The following TENM4 variants were observed in gnomAD, a reference collection of about 807,000 sequenced individuals.
TENM4 encodes the protein teneurin transmembrane protein 4, also known as teneurin-4.
A neutral mutation model predicts 243.3 loss-of-function variants in TENM4; 82 were observed. The ratio of observed to expected loss-of-function variants is 0.34; its 90% CI spans 0.28 to 0.40. The LOEUF (loss-of-function observed/expected upper bound fraction) is 0.40. Ranked by LOEUF, TENM4 falls within the 10% of genes least tolerant of loss-of-function variation. The probability of loss-of-function intolerance (pLI) is 1.00; values close to 1 mark genes in which losing one functional copy is unlikely to be tolerated. For missense variants in TENM4, 3,138 were observed against 3,673.3 expected (o/e 0.85, Z 3.77); for synonymous variants, 1,412 against 1,456.3 (o/e 0.97, Z 0.69).
chr11:79,258,689 T>C (rs1855741450), intron 2 of TENM4, among the ~76,000 whole-genome samples: 1 of 152,216 alleles, frequency 6.6e-6, no homozygotes, highest in South Asian at 2.1e-4. Flanking sequence ...GCACATCACA[T>C]AATCCTTGTC....
rs189893022 is a variant in TENM4, at chr11:78,850,344, T to A, written c.1681+3760A>T. ...ATACTCTGGATTCTGACATCTCAGATCTTCTTAAATTCTAGATCTGCATTT... is the reference window on the plus strand; with the variant it reads ...ATACTCTGGATTCTGACATCTCAGAACTTCTTAAATTCTAGATCTGCATTT... On this transcript the variant is annotated intron_variant, in intron 12 of 33. Transcript: ENST00000278550. 1.1e-4 allele frequency among the ~76,000 whole-genome samples: 17 copies of A among 152,350 alleles called. No homozygotes were observed. The East Asian group carries it at 3.1e-3, about 28-fold the overall frequency.
At chr11:79,272,822 G>GAATTTAATATACATATAA (rs1855992559) in intron 2 of TENM4, among the ~76,000 whole-genome samples, 1 of 152,150 alleles carries the variant, frequency 6.6e-6, no homozygotes, top group Non-Finnish European at 1.5e-5. Flanking sequence ...ATATTAAATG[G>GAATTTAATATACATATAA]ATTGTAATTG....
intron 3 of TENM4, among the ~76,000 whole-genome samples, chr11:79,150,767 C>T (rs2135056461): frequency 6.6e-6 from 1 of 152,298 alleles, no homozygotes; most frequent in South Asian, 2.1e-4. Context: ...GACTCCTTCA[C>T]AAATTCTGTG....
Position 78,712,476 on chromosome 11 carries a change from C to T in TENM4, c.4054+6G>A. ...TATTGACAATGTCTCTAAGGCAAGG[C>T]CTTACCCCTGGGATTGGTGAGTGTG... On this transcript the variant is annotated splice_donor_region_variant and intron_variant, in intron 26 of 33. Coordinates refer to ENST00000278550, the MANE Select transcript of TENM4 (RefSeq NM_001098816.3). The T allele has an allele frequency of 6.2e-7, 1 of 1,612,934 alleles. No homozygotes were observed. Among genetic ancestry groups the T allele is most frequent in the Non-Finnish European group, 8.5e-7 (1 of 1,178,996 alleles).
At chr11:79,025,257 A>G (rs570466437) in intron 6 of TENM4, among the ~76,000 whole-genome samples, 2 of 140,660 alleles carry the variant, frequency 1.4e-5, no homozygotes, top group African/African-American at 2.9e-5. Flanking sequence ...TTGGCATAAC[A>G]CTGGAATGAA....
intron 4 of TENM4, among the ~76,000 whole-genome samples, chr11:79,143,717 A>G (rs1038151544): frequency 7.2e-5 from 11 of 151,758 alleles, no homozygotes; most frequent in Non-Finnish European, 1.5e-4. Flanking sequence ...ATAAATAAAT[A>G]AATGGTGCTG....
At chr11:78,935,301 G>A (rs1315177316) in intron 6 of TENM4, among the ~76,000 whole-genome samples, 2 of 152,108 alleles carry the variant, frequency 1.3e-5, no homozygotes, top group Non-Finnish European at 2.9e-5. Context: ...GTGAGCCACC[G>A]CGCCTGGCCG....
chr11:78,669,409 G>A lies in TENM4; in HGVS notation c.6936C>T (p.Phe2312=), dbSNP rs778785352. The A allele has an allele frequency of 1.3e-5, 21 of 1,613,406 alleles. No homozygotes were observed. The highest frequency in any genetic ancestry group is 1.7e-5 in the Non-Finnish European group (20 of 1,179,522). ...SKSSHSHHLQ[F]FYADLTNPTK... is the part of the protein sequence containing the mutation. The stretch of plus-strand genomic sequence containing the variant: ...TGGGGTTGGTCAGGTCTGCATAGAA[G>A]AACTGCAGGTGGTGGCTGTGGCTGC... The change falls in exon 32 of 34, where the codon TTC becomes TTT. Residue 2312 remains phenylalanine (F), a synonymous_variant. Transcript: ENST00000278550. This position sits in a 1 kb window ranked among gnomAD's most constrained non-coding sequence, Gnocchi z 6.4.
intron 6 of TENM4, among the ~76,000 whole-genome samples, chr11:79,006,401 T>TA (rs1346681738): frequency 3.3e-5 from 5 of 152,194 alleles, no homozygotes; most frequent in African/African-American, 1.2e-4. Flanking sequence ...TACGCAGATC[T>TA]AAATGTGATG....
chr11:78,717,108 C>A (rs1353953068), intron 25 of TENM4, among the ~76,000 whole-genome samples: 1 of 152,108 alleles, frequency 6.6e-6, no homozygotes, highest in Admixed American at 6.5e-5. Context: ...CTCTAAGGAC[C>A]CACATTCTCT....
chr11:79,268,972 ATATAT>A (rs1855924366), intron 2 of TENM4, among the ~76,000 whole-genome samples: 2 of 152,234 alleles, frequency 1.3e-5, no homozygotes, highest in Non-Finnish European at 2.9e-5. Flanking sequence ...AATCAAAAAC[ATATAT>A]TAGATAAGAT....
intron 2 of TENM4, among the ~76,000 whole-genome samples, chr11:79,270,323 A>AC (rs1303295928): frequency 6.6e-6 from 1 of 152,194 alleles, no homozygotes; most frequent in African/African-American, 2.4e-5. Context: ...TCCCTTGGCC[A>AC]CTTTGTAGCC....
intron 17 of TENM4, among the ~76,000 whole-genome samples, chr11:78,772,013 A>C (rs1856655641): frequency 6.6e-6 from 1 of 152,190 alleles, no homozygotes; most frequent in Non-Finnish European, 1.5e-5. Context: ...TTATGTAGGC[A>C]AAAAATTTAA....
At chr11:78,675,579 C>T (rs1437750725) in intron 30 of TENM4, among the ~76,000 whole-genome samples, 2 of 152,206 alleles carry the variant, frequency 1.3e-5, no homozygotes, top group African/African-American at 2.4e-5. Flanking sequence ...AGGGCATCCA[C>T]ATATTCAAAA....
At chr11:79,215,556 A>G (rs1590801045) in intron 3 of TENM4, among the ~76,000 whole-genome samples, 1 of 151,980 alleles carries the variant, frequency 6.6e-6, no homozygotes, top group Non-Finnish European at 1.5e-5. Context: ...ATCCTTGCCC[A>G]CCTTGCCCTC....
chr11:79,329,238 C>A (rs967814561), intron 1 of TENM4, among the ~76,000 whole-genome samples: 1 of 152,198 alleles, frequency 6.6e-6, no homozygotes, highest in Non-Finnish European at 1.5e-5. Flanking sequence ...CCACAGTTGG[C>A]ACAAGGGTAG....
intron 18 of TENM4, among the ~76,000 whole-genome samples, chr11:78,757,304 A>G (rs1159682892): frequency 6.6e-6 from 1 of 152,218 alleles, no homozygotes; most frequent in East Asian, 1.9e-4. Flanking sequence ...ATGAAGACCC[A>G]GAAGTGAGAT....
At chr11:79,365,903 A>G (rs916725230) in intron 1 of TENM4, among the ~76,000 whole-genome samples, 1 of 152,190 alleles carries the variant, frequency 6.6e-6, no homozygotes, top group African/African-American at 2.4e-5. Flanking sequence ...TAGGAGCTGG[A>G]TCATATAAGG....
intron 12 of TENM4, among the ~76,000 whole-genome samples, chr11:78,830,000 A>G (rs145541196): frequency 6.6e-6 from 1 of 152,218 alleles, no homozygotes; most frequent in Admixed American, 6.5e-5. Context: ...ATTCAGACAC[A>G]GTGAGTCCGT....
Sources: gnomAD v4.1 joint callset for allele counts (sites outside exome capture counted in the v4.1 genomes callset) on GRCh38, gnomAD v4.1.1 for gene constraint, Gnocchi (gnomAD v3.1) non-coding constraint, MANE v1.5 for transcripts, NCBI Gene and HGNC (gene_info 2026-07-23, HGNC 2026-07-21) for gene names.